The following AARSD1 variants were observed in gnomAD, a reference collection of about 807,000 sequenced individuals.
The protein encoded by AARSD1 is alanyl-tRNA synthetase domain containing 1, also known as alanyl-tRNA editing protein Aarsd1.
AARSD1 carries 44 observed loss-of-function variants against 48.7 expected under a neutral mutation model. The ratio of observed to expected loss-of-function variants is 0.90; its 90% confidence interval spans 0.71 to 1.16. The LOEUF (loss-of-function observed/expected upper bound fraction) is 1.16. Among genes scored for constraint, AARSD1 ranks in the 50% most tolerant of loss-of-function variants. The pLI, the probability that AARSD1 is intolerant of heterozygous loss-of-function variation, is 0.00. For missense variants in AARSD1, 511 were observed against 523.1 expected (o/e 0.98, Z 0.23); for synonymous variants, 189 against 194.9 (o/e 0.97, Z 0.25).
chr17:42,962,317 A>G, intron 2 of AARSD1: 1 of 179,634 alleles, frequency 5.6e-6, no homozygotes, highest in South Asian at 5.9e-5. Flanking sequence ...AAAAAAAAAA[A>G]GTTCATTCAT....
At chr17:42,951,563 A>T (rs1386595179) in intron 11 of AARSD1, among the ~76,000 whole-genome samples, 1 of 152,138 alleles carries the variant, frequency 6.6e-6, no homozygotes, top group African/African-American at 2.4e-5. Flanking sequence ...AAACAAAAAC[A>T]AACACATTTC....
chr17:42,957,464 GAACTT>G (rs2049573948), intron 3 of AARSD1: 1 of 178,222 alleles, frequency 5.6e-6, no homozygotes, highest in African/African-American at 2.5e-5. Context: ...GGCTGGACTT[GAACTT>G]AACTTCCTTT....
rs1386018704 is a variant in AARSD1 at position 42,964,448 on chromosome 17, G to A, written c.-8C>T. The A allele has an allele frequency of 7.7e-6, 12 of 1,550,612 alleles. No homozygotes were observed. The highest frequency in any genetic ancestry group is 1.7e-4 in the Middle Eastern group (1 of 5,998). ...CTGACACCAGAACGCCATACCTGCA[G>A]GCGTGTGAGGAGGCGCACGCGCAGA... On this transcript the variant is annotated 5_prime_UTR_variant, in exon 1 of 12. Coordinates refer to ENST00000427569, the MANE Select transcript of AARSD1 (RefSeq NM_001261434.2).
intron 3 of AARSD1, among the ~76,000 whole-genome samples, chr17:42,960,630 G>A (rs1481801715): frequency 4.0e-5 from 6 of 150,456 alleles, no homozygotes; most frequent in African/African-American, 1.5e-4. Flanking sequence ...GCTGAGGCAG[G>A]AGAATCGCTT....
At chr17:42,959,691 G>A (rs2049606025) in intron 3 of AARSD1, among the ~76,000 whole-genome samples, 1 of 150,108 alleles carries the variant, frequency 6.7e-6, no homozygotes, top group South Asian at 2.1e-4. Flanking sequence ...TTGAGATGGA[G>A]TCTCGCTCTG....
chr17:42,964,263 A>G, intron 1 of AARSD1, 26 bp from the exon 2 acceptor site: 1 of 1,499,460 alleles, frequency 6.7e-7, no homozygotes, highest in Non-Finnish European at 8.8e-7. Context: ...TGAGAGAATA[A>G]GCCCCGACCC....
rs200585382 is a variant in AARSD1 at position 42,955,257 on chromosome 17, G to C, written c.795-33C>G. ...AGAAAGGTCAGAGGAGACCTGCGCA[G>C]CTTCCCAGTCGTTTCTGATGTTGGG... On this transcript the variant is annotated intron_variant, in intron 7 of 11. Transcript: ENST00000427569. 770 of 1,612,310 alleles carry C rather than the reference G, an allele frequency of 4.8e-4. 4 individuals carry two copies. In the African/African-American group the frequency reaches 8.9e-3, roughly 19 times the overall value.
At chr17:42,956,167 C>A (rs2049548122) in intron 6 of AARSD1, 37 bp downstream of exon 6, 2 of 1,613,480 alleles carry the variant, frequency 1.2e-6, no homozygotes, top group African/African-American at 2.7e-5. Flanking sequence ...TCCCCCAATC[C>A]CTCTTCTCAG....
intron 2 of AARSD1, among the ~76,000 whole-genome samples, chr17:42,963,237 T>C (rs984663751): frequency 6.0e-5 from 9 of 151,060 alleles, no homozygotes; most frequent in Middle Eastern, 6.8e-3. Context: ...CCTGCCAGTA[T>C]GCCTGGTTAA....
At position 42,954,902 on chromosome 17, in the gene AARSD1, G is replaced by C. The variant is rs2049525835; in HGVS notation, c.927C>G (p.Asp309Glu). ...TGTGTAATATGACCACACCTCCCCAGTCTGGACTGTTCCTGAGGCTATGGG... is the reference window on the plus strand; with the variant it reads ...TGTGTAATATGACCACACCTCCCCACTCTGGACTGTTCCTGAGGCTATGGG... Reference protein sequence around the residue: ...HIAHSLRNSPDWGGVVILHRK... With the variant: ...HIAHSLRNSPEWGGVVILHRK... The change falls in exon 9 of 12, where the codon GAC (aspartate) becomes GAG (glutamate). Residue 309 changes from aspartate (D) to glutamate (E), a missense_variant. By Grantham distance (45) the Asp-to-Glu change is conservative. Transcript: ENST00000427569. The C allele has an allele frequency of 6.2e-7, 1 of 1,614,114 alleles. No homozygotes were observed. The highest frequency in any genetic ancestry group is 8.5e-7 in the Non-Finnish European group (1 of 1,180,016).
intron 3 of AARSD1, among the ~76,000 whole-genome samples, chr17:42,957,875 T>G (rs1340312989): frequency 1.3e-5 from 2 of 151,926 alleles, no homozygotes; most frequent in Admixed American, 1.3e-4. Context: ...GCAGCATCCC[T>G]GATTGACAAG....
At chr17:42,959,230 C>CT in intron 3 of AARSD1, among the ~76,000 whole-genome samples, 1 of 141,562 alleles carries the variant, frequency 7.1e-6, no homozygotes, top group South Asian at 2.4e-4. Context: ...GTTATATTTA[C>CT]TTTTTTGAGA....
rs186386843 is a variant in AARSD1, at chr17:42,956,369, T to C, written c.546+35A>G. The C allele has an allele frequency of 3.0e-5, 49 of 1,614,072 alleles. No individual in the cohort carries two copies. The African/African-American group carries it at 6.0e-4, about 20-fold the overall frequency. On this transcript the variant is annotated intron_variant, in intron 5 of 11. Coordinates refer to ENST00000427569, the MANE Select transcript of AARSD1 (RefSeq NM_001261434.2). Reference sequence around the variant, plus strand: ...ACTGTCTGAATCTGATGAGGAATCATTCCGCAGAAACCATCCCTCTGGCTC... The same window carrying C: ...ACTGTCTGAATCTGATGAGGAATCACTCCGCAGAAACCATCCCTCTGGCTC...
rs1179461740 is a variant in AARSD1, at chr17:42,964,151, T to C, written c.126A>G (p.Gln42=). The C allele has an allele frequency of 1.8e-5, 29 of 1,614,070 alleles. No homozygotes were observed. In the South Asian group the frequency reaches 2.6e-4, roughly 15 times the overall value. ...AAAGCACTGTGTCTTCCAGCACCAC[T>C]TGGAAACCGCTCAGCACTTCTTTCT... is the stretch of plus-strand genomic sequence containing the variant. ...NGKKEVLSGF[Q]VVLEDTVLFP... Residue 42 remains glutamine (Q), a synonymous_variant, in exon 2 of 12, where the codon CAA becomes CAG. Coordinates refer to ENST00000427569, the MANE Select transcript of AARSD1 (RefSeq NM_001261434.2).
intron 11 of AARSD1, among the ~76,000 whole-genome samples, chr17:42,950,986 C>T (rs1597710416): frequency 6.6e-6 from 1 of 151,724 alleles, no homozygotes; most frequent in African/African-American, 2.4e-5. Flanking sequence ...GGATGAAACC[C>T]CGTCTCTACT....
chr17:42,951,839 A>T lies in AARSD1; in HGVS notation c.1064T>A (p.Leu355Gln), dbSNP rs2049483167. 1 of 1,614,080 alleles carries T rather than the reference A, an allele frequency of 6.2e-7. No homozygotes were observed. Among genetic ancestry groups the T allele is most frequent in the Non-Finnish European group, 8.5e-7 (1 of 1,180,030 alleles). Residue 355 changes from leucine to glutamine, a missense_variant, in exon 11 of 12, where the codon CTG becomes CAG. By Grantham distance (113) the Leu-to-Gln change is moderately radical (BLOSUM62 -2). Transcript: ENST00000427569. Reference sequence around the variant, plus strand: ...CTCCACAGACGCAGGTGGCCCTGCCAGTAAGAAGAGTCCACCACCTTTCTC... The same window carrying T: ...CTCCACAGACGCAGGTGGCCCTGCCTGTAAGAAGAGTCCACCACCTTTCTC... ...GDEKGGGLFL[L>Q]AGPPASVETL...
chr17:42,953,299 A>G (rs1266714920), intron 10 of AARSD1, among the ~76,000 whole-genome samples: 2 of 152,042 alleles, frequency 1.3e-5, no homozygotes, highest in Admixed American at 1.3e-4. Flanking sequence ...TATTTTTAGT[A>G]GAGATGGGGT....
At chr17:42,953,691 A>C in intron 10 of AARSD1, 33 bp downstream of exon 10, 1 of 1,614,076 alleles carries the variant, frequency 6.2e-7, no homozygotes, top group Non-Finnish European at 8.5e-7. Flanking sequence ...GTCTCTATCC[A>C]GGCCGGGGTA....
intron 3 of AARSD1, among the ~76,000 whole-genome samples, chr17:42,960,721 C>CA (rs912931801): frequency 0.078 from 6,089 of 77,718 alleles, 406 homozygotes; most frequent in African/African-American, 0.22. Context: ...AACTCTGTGT[C>CA]AAAAAAAAAA....
Sources: gnomAD v4.1 joint callset for allele counts (sites outside exome capture counted in the v4.1 genomes callset) on GRCh38, gnomAD v4.1.1 for gene constraint, MANE v1.5 for transcripts, NCBI Gene and HGNC (gene_info 2026-07-23, HGNC 2026-07-21) for gene names.